The following LIN54 variants were observed in gnomAD, a reference collection of about 807,000 sequenced individuals.
LIN54 encodes protein lin-54 homolog.
A neutral mutation model predicts 78.7 loss-of-function variants in LIN54; 9 were observed. The observed-to-expected ratio is 0.11, with a 90% CI of 0.07 to 0.20. The LOEUF (loss-of-function observed/expected upper bound fraction) is 0.20. Ranked by LOEUF, LIN54 falls within the 10% of genes least tolerant of loss-of-function variation. The pLI, the probability that LIN54 is intolerant of heterozygous loss-of-function variation, is 1.00. For synonymous variants in LIN54, 269 were observed against 318.4 expected, an observed-to-expected ratio of 0.84 and a Z score of 1.65; for missense variants, 573 against 889.9, an observed-to-expected ratio of 0.64 and a Z score of 4.53.
At chr4:82,984,960 A>G in intron 1 of LIN54, 84 bp from the exon 2 acceptor site, 1 of 881,556 alleles carries the variant, frequency 1.1e-6, no homozygotes, top group Non-Finnish European at 1.7e-6. Flanking sequence ...AAATGGCAAA[A>G]TGACAATTTT....
intron 1 of LIN54, among the ~76,000 whole-genome samples, chr4:82,992,080 G>A (rs891179082): frequency 2.6e-5 from 4 of 152,102 alleles, no homozygotes; most frequent in African/African-American, 7.2e-5. Flanking sequence ...AAGCCATCTA[G>A]ATATAAAGCT....
chr4:82,972,392 T>C (rs1257328526), intron 3 of LIN54, among the ~76,000 whole-genome samples: 1 of 152,192 alleles, frequency 6.6e-6, no homozygotes, highest in Non-Finnish European at 1.5e-5. Flanking sequence ...AATGACATTC[T>C]GCCAGGTTTT....
chr4:82,931,255 TA>T, intron 11 of LIN54, 110 bp from the exon 12 acceptor site: 2 of 762,028 alleles, frequency 2.6e-6, no homozygotes, highest in Non-Finnish European at 4.4e-6. Context: ...CAACTGATAA[TA>T]AGATTAGATG....
intron 1 of LIN54, among the ~76,000 whole-genome samples, chr4:83,006,278 T>A (rs1014970124): frequency 2.6e-5 from 4 of 151,846 alleles, no homozygotes; most frequent in Admixed American, 2.0e-4. Flanking sequence ...TGAAACCCCA[T>A]CTGAACTAAA....
intron 11 of LIN54, among the ~76,000 whole-genome samples, chr4:82,933,919 C>G (rs1228804346): frequency 6.6e-6 from 1 of 152,218 alleles, no homozygotes; most frequent in Admixed American, 6.5e-5. Flanking sequence ...CTTTACCCTT[C>G]TGATCCAACT....
At chr4:83,005,855 A>G (rs1295060583) in intron 1 of LIN54, among the ~76,000 whole-genome samples, 2 of 152,148 alleles carry the variant, frequency 1.3e-5, no homozygotes, top group Non-Finnish European at 2.9e-5. Flanking sequence ...AGCACTACTC[A>G]CAAGAGCAAA....
intron 4 of LIN54, among the ~76,000 whole-genome samples, chr4:82,956,751 T>C (rs1195594031): frequency 1.5e-5 from 2 of 131,998 alleles, no homozygotes; most frequent in Non-Finnish European, 3.6e-5. Context: ...CTGCCTCTTT[T>C]TTCTTTGGGG....
intron 3 of LIN54, among the ~76,000 whole-genome samples, chr4:82,975,086 A>T (rs1020075121): frequency 1.3e-5 from 2 of 151,886 alleles, no homozygotes; most frequent in African/African-American, 4.8e-5. Flanking sequence ...GGCTGGGTGC[A>T]GTGGCTCACA....
At chr4:82,973,153 A>G (rs1725824892) in intron 3 of LIN54, among the ~76,000 whole-genome samples, 1 of 152,162 alleles carries the variant, frequency 6.6e-6, no homozygotes, top group Non-Finnish European at 1.5e-5. Flanking sequence ...TTGCAACTAT[A>G]CTAACTCTTA....
chr4:82,992,027 C>T (rs1300446162), intron 1 of LIN54, among the ~76,000 whole-genome samples: 2 of 152,106 alleles, frequency 1.3e-5, no homozygotes, highest in African/African-American at 4.8e-5. Context: ...TGCACAGAAT[C>T]GTCTCTATTT....
At chr4:82,959,320 C>T (rs939047137) in intron 4 of LIN54, among the ~76,000 whole-genome samples, 2 of 151,864 alleles carry the variant, frequency 1.3e-5, no homozygotes, top group Admixed American at 6.6e-5. Context: ...ATCACATGAC[C>T]GAGATTCCAA....
At chr4:82,965,064 T>C (rs1725096894) in intron 4 of LIN54, among the ~76,000 whole-genome samples, 1 of 152,130 alleles carries the variant, frequency 6.6e-6, no homozygotes, top group Non-Finnish European at 1.5e-5. Flanking sequence ...TGAAGAAAGC[T>C]GTATTTCTTG....
intron 4 of LIN54, among the ~76,000 whole-genome samples, chr4:82,949,230 T>C (rs1033658869): frequency 1.3e-5 from 2 of 152,324 alleles, no homozygotes; most frequent in South Asian, 2.1e-4. Context: ...TGGCATCTCA[T>C]AGTGGCTCTC....
chr4:82,958,638 T>C lies in LIN54; in HGVS notation c.951+11689A>G, dbSNP rs1724533825. On this transcript the variant is annotated intron_variant, in intron 4 of 12. Coordinates refer to ENST00000340417, the MANE Select transcript of LIN54 (RefSeq NM_194282.4). ...ACAGAATCAAATCAACATAAGTGAT[T>C]TGATGCCCACTATTATTTACTAGGT... Among the ~76,000 whole-genome samples the C allele has an allele frequency of 2.0e-5, 3 of 152,328 alleles. 1 individual carries two copies. Among genetic ancestry groups the C allele is most frequent in the African/African-American group, 7.2e-5 (3 of 41,576 alleles).
At chr4:83,003,963 C>A (rs1370926813) in intron 1 of LIN54, among the ~76,000 whole-genome samples, 2 of 152,010 alleles carry the variant, frequency 1.3e-5, no homozygotes, top group South Asian at 4.1e-4. Flanking sequence ...GAAAAAGGCA[C>A]AAAATGGACT....
At chr4:82,974,783 C>T (rs762321227) in intron 3 of LIN54, among the ~76,000 whole-genome samples, 38 of 151,272 alleles carry the variant, frequency 2.5e-4, no homozygotes, top group Non-Finnish European at 4.4e-4. Flanking sequence ...CACTTGAACC[C>T]GGGAGGCACA....
Position 82,993,715 on chromosome 4 carries a change from T to C in LIN54, c.-32-8839A>G, listed in dbSNP as rs1315698383. Among the ~76,000 whole-genome samples, 2 of 151,926 alleles carry C rather than the reference T, an allele frequency of 1.3e-5. 1 individual carries two copies. ...TCACTTCAACCTCTGCTTCCCAGGT[T>C]CAAGCAACTCTCCTGCCTCAGCCTC... On this transcript the variant is annotated intron_variant, in intron 1 of 12. Coordinates refer to ENST00000340417, the MANE Select transcript of LIN54 (RefSeq NM_194282.4).
chr4:82,978,336 CAT>C (rs1208155599), intron 3 of LIN54, among the ~76,000 whole-genome samples: 1 of 152,102 alleles, frequency 6.6e-6, no homozygotes, highest in Non-Finnish European at 1.5e-5. Context: ...CAGAGAACTC[CAT>C]ATAGAGTATA....
At chr4:82,959,422 G>C (rs1320494866) in intron 4 of LIN54, among the ~76,000 whole-genome samples, 1 of 151,998 alleles carries the variant, frequency 6.6e-6, no homozygotes, top group Non-Finnish European at 1.5e-5. Context: ...TTCAATCCAG[G>C]AGTCTGAGGC....
Sources: allele counts gnomAD v4.1 joint callset (sites outside exome capture counted in the v4.1 genomes callset), GRCh38; gene constraint gnomAD v4.1.1; transcripts MANE v1.5; gene names NCBI Gene and HGNC (gene_info 2026-07-23, HGNC 2026-07-21).